WWOX: variants seen among roughly 807,000 people sequenced by gnomAD.
WWOX encodes WW domain-containing oxidoreductase.
Under a neutral mutation model 46.2 loss-of-function variants are expected in WWOX, and 69 were observed. The ratio of observed to expected loss-of-function variants is 1.49; its 90% CI spans 1.23 to 1.82. WWOX has a LOEUF of 1.82. Ranked by LOEUF, WWOX falls within the 40% of genes most tolerant of loss-of-function variation. The probability of loss-of-function intolerance (pLI) is 0.00; values close to 1 mark genes in which losing one functional copy is unlikely to be tolerated. For synonymous variants in WWOX, 359 were observed against 202.6 expected (o/e 1.77, Z -6.56); for missense variants, 919 against 542.6 (o/e 1.69, Z -6.89).
At position 78,716,249 on chromosome 16, in the gene WWOX, C is replaced by T. The variant is rs143617921; in HGVS notation, c.1056+283497C>T. ...GAGATTGAAATTGTGCTATCATGAA[C>T]GGGGGAATGTCTGGGACTGCCAGAA... On this transcript the variant is annotated intron_variant, in intron 8 of 8. Transcript: ENST00000566780. 5.3e-4 allele frequency among the ~76,000 whole-genome samples: 81 copies of T among 152,098 alleles called. 1 individual carries two copies. In the East Asian group the frequency reaches 8.7e-3, roughly 16 times the overall value.
chr16:79,178,251 A>C (rs1379093464), intron 8 of WWOX, among the ~76,000 whole-genome samples: 1 of 152,228 alleles, frequency 6.6e-6, no homozygotes, highest in African/African-American at 2.4e-5. Context: ...TTATTTACAA[A>C]AAACAAAAAA....
chr16:78,825,552 GC>G, intron 8 of WWOX: 1 of 529,652 alleles, frequency 1.9e-6, no homozygotes, highest in East Asian at 5.1e-5. Flanking sequence ...TGAAAAGGTG[GC>G]CCCAGAGGTC....
At chr16:78,404,665 T>G (rs2082485590) in intron 6 of WWOX, among the ~76,000 whole-genome samples, 1 of 152,156 alleles carries the variant, frequency 6.6e-6, no homozygotes, top group South Asian at 2.1e-4. Flanking sequence ...CAAGAGACAC[T>G]TGGGTTAATT....
At chr16:78,839,676 G>C (rs1408017193) in intron 8 of WWOX, among the ~76,000 whole-genome samples, 1 of 152,150 alleles carries the variant, frequency 6.6e-6, no homozygotes, top group East Asian at 1.9e-4. Context: ...GGTAGAATAA[G>C]GTTAGGCTGG....
At chr16:79,023,842 G>A (rs949627711) in intron 8 of WWOX, among the ~76,000 whole-genome samples, 4 of 151,380 alleles carry the variant, frequency 2.6e-5, no homozygotes, top group Non-Finnish European at 5.9e-5. Flanking sequence ...TGTAATCCCA[G>A]CTACTCGGGA....
intron 8 of WWOX, among the ~76,000 whole-genome samples, chr16:78,689,799 A>C (rs1310185482): frequency 6.6e-6 from 1 of 152,158 alleles, no homozygotes; most frequent in Non-Finnish European, 1.5e-5. Context: ...CTGTTGAAAT[A>C]ATCCTGCATA....
intron 8 of WWOX, among the ~76,000 whole-genome samples, chr16:78,700,982 C>A (rs1233634622): frequency 6.6e-6 from 1 of 152,038 alleles, no homozygotes; most frequent in Admixed American, 6.6e-5. Flanking sequence ...GAAGGAAGTA[C>A]AATGTCCTGG....
At chr16:78,910,090 T>C (rs115923886) in intron 8 of WWOX, among the ~76,000 whole-genome samples, 150 of 152,370 alleles carry the variant, frequency 9.8e-4, no homozygotes, top group African/African-American at 3.4e-3. Context: ...TTTTCATGTG[T>C]AGATGTGGTG....
intron 8 of WWOX, among the ~76,000 whole-genome samples, chr16:79,046,811 A>G (rs533257708): frequency 6.6e-6 from 1 of 152,250 alleles, no homozygotes; most frequent in African/African-American, 2.4e-5. Context: ...CCAGGCCTGC[A>G]CTACAACAAA....
At chr16:78,722,111 T>C (rs11647269) in intron 8 of WWOX, among the ~76,000 whole-genome samples, 25,452 of 152,232 alleles carry the variant, frequency 0.17, 2,750 homozygotes, top group Non-Finnish European at 0.23. Context: ...AAGGTCATGA[T>C]CCTGACATTC....
chr16:78,147,900 C>A (rs186358156), intron 4 of WWOX, among the ~76,000 whole-genome samples: 62 of 151,716 alleles, frequency 4.1e-4, no homozygotes, highest in African/African-American at 1.4e-3. Context: ...AGAGGGATCA[C>A]AGCCCTTTTG....
intron 8 of WWOX, among the ~76,000 whole-genome samples, chr16:78,492,631 A>G (rs2084811551): frequency 6.6e-6 from 1 of 152,184 alleles, no homozygotes; most frequent in African/African-American, 2.4e-5. Flanking sequence ...AGAAGACTGA[A>G]TTTATGATGA....
chr16:78,957,218 C>G (rs541738720), intron 8 of WWOX, among the ~76,000 whole-genome samples: 7 of 152,288 alleles, frequency 4.6e-5, no homozygotes, highest in Non-Finnish European at 2.9e-5. Flanking sequence ...ACTTTTCCAG[C>G]AAACCACACC....
chr16:78,505,816 C>A (rs2085185874), intron 8 of WWOX, among the ~76,000 whole-genome samples: 1 of 117,026 alleles, frequency 8.5e-6, no homozygotes. Flanking sequence ...TAAAAATTAC[C>A]CAGATGATCT....
intron 5 of WWOX, among the ~76,000 whole-genome samples, chr16:78,309,409 G>C (rs1028338389): frequency 6.6e-6 from 1 of 152,146 alleles, no homozygotes; most frequent in Non-Finnish European, 1.5e-5. Context: ...AAATTACCCA[G>C]TTTCAGGCAG....
chr16:78,791,974 T>C (rs904840713), intron 8 of WWOX, among the ~76,000 whole-genome samples: 2 of 152,172 alleles, frequency 1.3e-5, no homozygotes, highest in Non-Finnish European at 2.9e-5. Context: ...TTTTTTGTTT[T>C]TTTAAGGGAG....
intron 8 of WWOX, among the ~76,000 whole-genome samples, chr16:78,550,520 A>G (rs1597251808): frequency 6.6e-6 from 1 of 152,326 alleles, no homozygotes; most frequent in African/African-American, 2.4e-5. Flanking sequence ...GGGAGACATA[A>G]TTTCAAAAAT....
intron 8 of WWOX, among the ~76,000 whole-genome samples, chr16:78,657,485 T>A (rs540602494): frequency 1.3e-5 from 2 of 152,238 alleles, no homozygotes; most frequent in African/African-American, 4.8e-5. Flanking sequence ...CTACGATGCA[T>A]GCTGGGGTCA....
At chr16:79,178,836 A>G (rs1173096010) in intron 8 of WWOX, among the ~76,000 whole-genome samples, 1 of 151,962 alleles carries the variant, frequency 6.6e-6, no homozygotes, top group Non-Finnish European at 1.5e-5. Flanking sequence ...AATAGAAACA[A>G]TTTTTTTTGT....
Sources: gnomAD v4.1 joint callset for allele counts (sites outside exome capture counted in the v4.1 genomes callset) on GRCh38, gnomAD v4.1.1 for gene constraint, MANE v1.5 for transcripts, NCBI Gene and HGNC (gene_info 2026-07-23, HGNC 2026-07-21) for gene names.